The following CTDSPL variants were observed in gnomAD, a reference collection of about 807,000 sequenced individuals.
CTDSPL encodes CTD small phosphatase like.
Under a neutral mutation model 30.5 loss-of-function variants are expected in CTDSPL, and 8 were observed. That is an observed-to-expected ratio of 0.26 (90% CI 0.15 to 0.47). The LOEUF (loss-of-function observed/expected upper bound fraction) is 0.47, where lower values mean the gene tolerates loss of function less well. Among genes scored for constraint, CTDSPL ranks in the 20% least tolerant of loss-of-function variants. The pLI is 0.99. For synonymous variants in CTDSPL, 110 were observed against 137.9 expected (o/e 0.80, Z 1.42); for missense variants, 248 against 366.1 (o/e 0.68, Z 2.63).
intron 1 of CTDSPL, among the ~76,000 whole-genome samples, chr3:37,913,587 C>G (rs745548096): frequency 6.6e-5 from 10 of 152,088 alleles, no homozygotes; most frequent in Non-Finnish European, 1.2e-4. Flanking sequence ...ATTGGGGAGA[C>G]CTGCAGTCTG....
chr3:37,877,805 GGCAAGAGAGGAA>G (rs1008440223), intron 1 of CTDSPL, among the ~76,000 whole-genome samples: 2 of 152,078 alleles, frequency 1.3e-5, no homozygotes, highest in Admixed American at 6.6e-5. Context: ...AAAGAGGGAC[GGCAAGAGAGGAA>G]GCAAGAGAGA....
intron 2 of CTDSPL, among the ~76,000 whole-genome samples, chr3:37,949,063 A>G (rs984504009): frequency 1.4e-5 from 2 of 145,196 alleles, no homozygotes; most frequent in East Asian, 4.0e-4. Context: ...CTCATGATCC[A>G]CCCGCCTCAG....
intron 7 of CTDSPL, among the ~76,000 whole-genome samples, chr3:37,979,215 C>A (rs1241621246): frequency 6.6e-6 from 1 of 151,738 alleles, no homozygotes; most frequent in Non-Finnish European, 1.5e-5. Context: ...GCAATCCCAG[C>A]ACTTTGGGAG....
rs1373364422 is a variant in CTDSPL at position 37,984,327 on chromosome 3, C to G, written c.*3460C>G. On this transcript the variant is annotated 3_prime_UTR_variant, in exon 8 of 8. Transcript: ENST00000273179. ...GTGTCTGGGTAGTCATGGATTTCTGCTGGACATTTGAATGTGATAAACAAT... is the reference window on the plus strand; with the variant it reads ...GTGTCTGGGTAGTCATGGATTTCTGGTGGACATTTGAATGTGATAAACAAT... The G allele has an allele frequency of 2.2e-6, 1 of 456,508 alleles. No homozygotes were observed. The highest frequency in any genetic ancestry group is 2.3e-5 in the Admixed American group (1 of 42,564). The allele number at this position is 456,508 out of a possible 1,614,324, so 28.3% of individuals were successfully genotyped here. A position where few individuals can be genotyped will look rare whatever the true frequency, so the allele number is the denominator to read the frequency against.
chr3:37,952,609 T>C (rs574088878), intron 2 of CTDSPL, among the ~76,000 whole-genome samples: 12 of 152,360 alleles, frequency 7.9e-5, no homozygotes, highest in Admixed American at 1.3e-4. Flanking sequence ...AGATTTCTTT[T>C]ACTTACTGCC....
At chr3:37,899,469 G>A (rs1398810581) in intron 1 of CTDSPL, among the ~76,000 whole-genome samples, 3 of 152,170 alleles carry the variant, frequency 2.0e-5, no homozygotes, top group African/African-American at 7.2e-5. Context: ...CCAACTCATA[G>A]CCTGAATTAC....
chr3:37,883,323 T>C (rs1329689021), intron 1 of CTDSPL, among the ~76,000 whole-genome samples: 1 of 152,228 alleles, frequency 6.6e-6, no homozygotes, highest in African/African-American at 2.4e-5. Flanking sequence ...AAGCTGCCAC[T>C]ATCACTGTGT....
At chr3:37,884,240 AC>A (rs577526646) in intron 1 of CTDSPL, among the ~76,000 whole-genome samples, 489 of 152,358 alleles carry the variant, frequency 3.2e-3, no homozygotes, top group Non-Finnish European at 5.2e-3. Flanking sequence ...ATGTTATAAA[AC>A]ATAGCATATT....
chr3:37,964,473 G>C, intron 3 of CTDSPL, 98 bp from the exon 4 acceptor site: 1 of 757,982 alleles, frequency 1.3e-6, no homozygotes, highest in Non-Finnish European at 2.2e-6. Context: ...CCCATTATAC[G>C]CTTGACCAGG....
At chr3:37,945,588 C>T (rs1215161744) in intron 1 of CTDSPL, among the ~76,000 whole-genome samples, 2 of 152,228 alleles carry the variant, frequency 1.3e-5, no homozygotes, top group Admixed American at 1.3e-4. Context: ...TCCCAATGGC[C>T]TGGTCTGGCC....
chr3:37,887,178 C>T (rs560753511), intron 1 of CTDSPL, among the ~76,000 whole-genome samples: 3 of 152,262 alleles, frequency 2.0e-5, no homozygotes, highest in East Asian at 3.9e-4. Context: ...TTTCAAAGTA[C>T]TCTTGGGCAT....
At chr3:37,885,715 G>C (rs1203251635) in intron 1 of CTDSPL, among the ~76,000 whole-genome samples, 2 of 152,176 alleles carry the variant, frequency 1.3e-5, no homozygotes, top group African/African-American at 2.4e-5. Context: ...AAAGGGACAA[G>C]GGGTCTGGGG....
At chr3:37,926,003 GT>G (rs1374940538) in intron 1 of CTDSPL, among the ~76,000 whole-genome samples, 4 of 152,132 alleles carry the variant, frequency 2.6e-5, no homozygotes, top group Non-Finnish European at 5.9e-5. Context: ...AATTTTTTAA[GT>G]TTTGTTCACT....
intron 4 of CTDSPL, among the ~76,000 whole-genome samples, chr3:37,964,930 A>G (rs1282585476): frequency 6.6e-6 from 1 of 152,224 alleles, no homozygotes; most frequent in East Asian, 1.9e-4. Context: ...GCATTTTCCA[A>G]TGCTGTAACC....
chr3:37,979,325 TG>T (rs1387403767), intron 7 of CTDSPL, among the ~76,000 whole-genome samples: 1 of 148,262 alleles, frequency 6.7e-6, no homozygotes, highest in African/African-American at 2.5e-5. Context: ...AAAAAAAGGC[TG>T]GGGTGGTGGC....
intron 1 of CTDSPL, among the ~76,000 whole-genome samples, chr3:37,922,650 C>G (rs1397117420): frequency 1.3e-5 from 2 of 152,182 alleles, no homozygotes; most frequent in African/African-American, 4.8e-5. Context: ...AAATGTGGCT[C>G]TGTTGAGGTA....
In CTDSPL at chr3:37,984,391, C is replaced by T. The variant is rs369753273; in HGVS notation, c.*3524C>T. 8 of 440,498 alleles carry T rather than the reference C, an allele frequency of 1.8e-5. No homozygotes were observed. Among genetic ancestry groups the T allele is most frequent in the African/African-American group, 8.0e-5 (4 of 49,826 alleles). The allele number at this position is 440,498 out of a possible 1,614,324, so 27.3% of individuals were successfully genotyped here. A position where few individuals can be genotyped will look rare whatever the true frequency, so the allele number is the denominator to read the frequency against. Reference sequence around the variant, plus strand: ...GGAAATGCTACATGCGGAATGTGCACGTTTCCAGGGGCGAGTATTGTCAAT... The same window carrying T: ...GGAAATGCTACATGCGGAATGTGCATGTTTCCAGGGGCGAGTATTGTCAAT... On this transcript the variant is annotated 3_prime_UTR_variant, in exon 8 of 8. Transcript: ENST00000273179.
intron 1 of CTDSPL, among the ~76,000 whole-genome samples, chr3:37,863,946 A>T (rs553679625): frequency 9.8e-5 from 15 of 152,370 alleles, no homozygotes; most frequent in African/African-American, 3.4e-4. Context: ...ATTCTGCAAG[A>T]GAGTGCTCCA....
At chr3:37,958,902 C>T (rs1699205044) in intron 3 of CTDSPL, among the ~76,000 whole-genome samples, 1 of 152,184 alleles carries the variant, frequency 6.6e-6, no homozygotes, top group Admixed American at 6.5e-5. Flanking sequence ...GATCCCAGTC[C>T]ATCCGGGCCA....
Sources: gnomAD v4.1 joint callset for allele counts (sites outside exome capture counted in the v4.1 genomes callset) on GRCh38, gnomAD v4.1.1 for gene constraint, MANE v1.5 for transcripts, NCBI Gene and HGNC (gene_info 2026-07-23, HGNC 2026-07-21) for gene names.